SPPL2A: variants seen among roughly 807,000 people sequenced by gnomAD.
SPPL2A encodes the protein signal peptide peptidase-like 2A.
A neutral mutation model predicts 63.8 loss-of-function variants in SPPL2A; 51 were observed. That is an observed-to-expected ratio of 0.80 (90% confidence interval 0.64 to 1.01). The LOEUF (loss-of-function observed/expected upper bound fraction) is 1.01. Ranked by LOEUF, SPPL2A falls within the 50% of genes least tolerant of loss-of-function variation. The pLI is 0.00. For synonymous variants in SPPL2A, 188 were observed against 205.8 expected, an observed-to-expected ratio of 0.91 and a Z score of 0.74; for missense variants, 553 against 622.7, an observed-to-expected ratio of 0.89 and a Z score of 1.19.
In SPPL2A at chr15:50,760,913, T is replaced by C. The variant is rs576887356; in HGVS notation, c.66+4555A>G. Among the ~76,000 whole-genome samples, 5 of 152,290 alleles carry C rather than the reference T, an allele frequency of 3.3e-5. No individual in the cohort carries two copies. The South Asian group carries it at 6.2e-4, about 19-fold the overall frequency. ...AGATTTTTCTGCTGGGGATCCTGAT[T>C]ATCATTTCATTGTATCAAGCTCAAG... On this transcript the variant is annotated intron_variant, in intron 1 of 14. Transcript: ENST00000261854.
At chr15:50,716,475 G>C (rs1222787668) in intron 14 of SPPL2A, among the ~76,000 whole-genome samples, 1 of 152,084 alleles carries the variant, frequency 6.6e-6, no homozygotes, top group Non-Finnish European at 1.5e-5. Context: ...GATTACAGGC[G>C]TGAGCCACTG....
In SPPL2A at chr15:50,707,045, G is replaced by A. The variant is rs1176286142; in HGVS notation, c.*755C>T. The A allele has an allele frequency of 6.6e-6, 1 of 152,134 alleles. No individual in the cohort carries two copies. Among genetic ancestry groups the A allele is most frequent in the African/African-American group, 2.4e-5 (1 of 41,414 alleles). 9.4% of individuals were successfully genotyped at this position (152,134 alleles called of 1,614,324 possible). ...ATTTCTAACCTCTGCAGTGATATAAGGTCCAAATTTTCACCGTTGAACCGC... is the reference window on the plus strand; with the variant it reads ...ATTTCTAACCTCTGCAGTGATATAAAGTCCAAATTTTCACCGTTGAACCGC... On this transcript the variant is annotated 3_prime_UTR_variant, in exon 15 of 15. Coordinates refer to ENST00000261854, the MANE Select transcript of SPPL2A (RefSeq NM_032802.4).
chr15:50,728,687 A>T (rs1482722751), intron 10 of SPPL2A, among the ~76,000 whole-genome samples: 2 of 151,548 alleles, frequency 1.3e-5, no homozygotes. Context: ...TCTGTTGCCC[A>T]GGCTGGAGTG....
At chr15:50,734,186 C>T (rs2062751955) in intron 8 of SPPL2A, among the ~76,000 whole-genome samples, 1 of 152,098 alleles carries the variant, frequency 6.6e-6, no homozygotes, top group Non-Finnish European at 1.5e-5. Flanking sequence ...AAAGAGATAC[C>T]TGAACTCTCA....
At chr15:50,756,548 T>C (rs546965463) in intron 1 of SPPL2A, among the ~76,000 whole-genome samples, 3 of 152,026 alleles carry the variant, frequency 2.0e-5, no homozygotes, top group South Asian at 4.2e-4. Flanking sequence ...TATGGCTTCA[T>C]TAAAACCTTA....
chr15:50,747,359 G>C, intron 5 of SPPL2A, 136 bp downstream of exon 5: 1 of 712,240 alleles, frequency 1.4e-6, no homozygotes, highest in Non-Finnish European at 2.4e-6. Context: ...ATCTACATGA[G>C]GACAAACCTG....
At chr15:50,714,618 T>G (rs1238228941) in intron 14 of SPPL2A, among the ~76,000 whole-genome samples, 4 of 118,356 alleles carry the variant, frequency 3.4e-5, no homozygotes, top group African/African-American at 9.9e-5. Context: ...GCAATAAGAG[T>G]GAAACTCCAT....
intron 10 of SPPL2A, among the ~76,000 whole-genome samples, chr15:50,730,006 G>C (rs146271642): frequency 9.2e-6 from 1 of 108,322 alleles, no homozygotes; most frequent in South Asian, 3.1e-4. Context: ...TAAAAAAAAA[G>C]AAGGAATGAT....
At chr15:50,723,690 G>C (rs1318071421) in intron 12 of SPPL2A, among the ~76,000 whole-genome samples, 1 of 152,114 alleles carries the variant, frequency 6.6e-6, no homozygotes, top group Non-Finnish European at 1.5e-5. Context: ...TGGCCAGGCT[G>C]GTCTTGAACT....
intron 7 of SPPL2A, 126 bp downstream of exon 7, chr15:50,736,518 T>C (rs1392738507): frequency 1.8e-6 from 1 of 554,804 alleles, no homozygotes; most frequent in Non-Finnish European, 3.1e-6. Context: ...TTACTTAAAT[T>C]TAAATTTAAA....
At chr15:50,762,377 A>C (rs905208092) in intron 1 of SPPL2A, among the ~76,000 whole-genome samples, 7 of 152,034 alleles carry the variant, frequency 4.6e-5, no homozygotes, top group South Asian at 2.1e-4. Context: ...CAAAAAAAAA[A>C]AAAAACAAAA....
At chr15:50,720,434 T>TA (rs1790677352) in intron 13 of SPPL2A, among the ~76,000 whole-genome samples, 1 of 152,078 alleles carries the variant, frequency 6.6e-6, no homozygotes, top group Non-Finnish European at 1.5e-5. Context: ...CAATAGGTAA[T>TA]ATAAGTTGTT....
chr15:50,737,294 CT>C (rs2141040952), intron 6 of SPPL2A, among the ~76,000 whole-genome samples: 1 of 152,216 alleles, frequency 6.6e-6, no homozygotes, highest in Non-Finnish European at 1.5e-5. Flanking sequence ...AGAGGGCTCT[CT>C]TTTTTCTATC....
intron 8 of SPPL2A, among the ~76,000 whole-genome samples, chr15:50,735,560 CACACA>C (rs2062764045): frequency 6.6e-6 from 1 of 151,778 alleles, no homozygotes; most frequent in Non-Finnish European, 1.5e-5. Context: ...CACACACACA[CACACA>C]CATATTTTTT....
Position 50,703,325 on chromosome 15 carries a change from CATATATATAT to C in SPPL2A, c.*4465_*4474del, listed in dbSNP as rs376948410. 1 of 83,062 alleles carries C rather than the reference CATATATATAT, an allele frequency of 1.2e-5. No individual in the cohort carries two copies. Among genetic ancestry groups the C allele is most frequent in the African/African-American group, 4.6e-5 (1 of 21,660 alleles). The allele number at this position is 83,062 out of a possible 1,614,324, so 5.1% of individuals were successfully genotyped here. A position where few individuals can be genotyped will look rare whatever the true frequency, so the allele number is the denominator to read the frequency against. The stretch of plus-strand genomic sequence containing the variant: ...GCCTAAATAAATTAGTTCATATATA[CATATATATAT>C]ATATATATATACATATATATATTTT... On this transcript the variant is annotated 3_prime_UTR_variant, in exon 15 of 15. Transcript: ENST00000261854.
chr15:50,758,792 GA>G (rs1184696751), intron 1 of SPPL2A, among the ~76,000 whole-genome samples: 1 of 152,168 alleles, frequency 6.6e-6, no homozygotes, highest in Non-Finnish European at 1.5e-5. Flanking sequence ...TATCTTCAGG[GA>G]AGGGCCTATA....
intron 14 of SPPL2A, among the ~76,000 whole-genome samples, chr15:50,708,700 GT>G (rs2062532845): frequency 2.5e-4 from 27 of 107,100 alleles, no homozygotes; most frequent in Non-Finnish European, 1.7e-4. Context: ...GTGAGACTCT[GT>G]CAAAAAAAAA....
At chr15:50,725,938 A>G in intron 11 of SPPL2A, 1 of 381,524 alleles carries the variant, frequency 2.6e-6, no homozygotes, top group East Asian at 7.0e-5. Flanking sequence ...GATAGAACTC[A>G]GGCCTTGAAA....
intron 5 of SPPL2A, among the ~76,000 whole-genome samples, chr15:50,744,577 G>A (rs888542704): frequency 1.3e-5 from 2 of 152,092 alleles, no homozygotes; most frequent in East Asian, 1.9e-4. Context: ...TAAGGAGACC[G>A]AGTTAAGGTT....
Sources: allele counts gnomAD v4.1 joint callset (sites outside exome capture counted in the v4.1 genomes callset), GRCh38; gene constraint gnomAD v4.1.1; transcripts MANE v1.5; gene names NCBI Gene and HGNC (gene_info 2026-07-23, HGNC 2026-07-21).